Variants in DCLK3 observed in about 807,000 individuals in gnomAD.
The protein encoded by DCLK3 is doublecortin like kinase 3.
A neutral mutation model predicts 46.4 loss-of-function variants in DCLK3; 30 were observed. That is an observed-to-expected ratio of 0.65 (90% CI 0.48 to 0.88). DCLK3 has a LOEUF of 0.88. Ranked by LOEUF, DCLK3 falls within the 40% of genes least tolerant of loss-of-function variation. The pLI, the probability that DCLK3 is intolerant of heterozygous loss-of-function variation, is 0.00. For synonymous variants in DCLK3, 401 were observed against 339.2 expected, an observed-to-expected ratio of 1.18 and a Z score of -2.00; for missense variants, 846 against 907.1, an observed-to-expected ratio of 0.93 and a Z score of 0.87.
chr3:36,719,411 C>G (rs564357570), intron 3 of DCLK3, among the ~76,000 whole-genome samples: 1 of 152,284 alleles, frequency 6.6e-6, no homozygotes, highest in South Asian at 2.1e-4. Context: ...AAGAATAAGT[C>G]ACTAATGACC....
intron 1 of DCLK3, among the ~76,000 whole-genome samples, chr3:36,755,559 A>C (rs1416277507): frequency 6.6e-6 from 1 of 152,194 alleles, no homozygotes; most frequent in East Asian, 1.9e-4. Flanking sequence ...CAGATGAATT[A>C]AAAACCATAG....
intron 2 of DCLK3, among the ~76,000 whole-genome samples, chr3:36,734,174 G>A (rs774920670): frequency 1.3e-5 from 2 of 152,224 alleles, no homozygotes; most frequent in African/African-American, 2.4e-5. Context: ...AATTTGCAAT[G>A]TAATTATATC....
intron 1 of DCLK3, among the ~76,000 whole-genome samples, chr3:36,756,475 T>C (rs956758612): frequency 2.0e-5 from 3 of 152,158 alleles, no homozygotes; most frequent in Admixed American, 6.5e-5. Context: ...CAGGGACTGA[T>C]AGCATCTGCT....
intron 1 of DCLK3, among the ~76,000 whole-genome samples, chr3:36,758,794 T>A (rs1325098722): frequency 6.6e-6 from 1 of 152,218 alleles, no homozygotes; most frequent in Non-Finnish European, 1.5e-5. Flanking sequence ...TCAGGTTTAG[T>A]GTATAGAAAG....
At chr3:36,724,143 T>C (rs1274165913) in intron 2 of DCLK3, among the ~76,000 whole-genome samples, 1 of 152,230 alleles carries the variant, frequency 6.6e-6, no homozygotes, top group African/African-American at 2.4e-5. Flanking sequence ...AAGATTTGAC[T>C]GCCCCGCTAG....
chr3:36,744,101 A>C (rs1701373983), intron 1 of DCLK3, among the ~76,000 whole-genome samples: 1 of 152,142 alleles, frequency 6.6e-6, no homozygotes, highest in African/African-American at 2.4e-5. Flanking sequence ...CTCCCTCTCA[A>C]CTAAACTGTA....
intron 1 of DCLK3, among the ~76,000 whole-genome samples, chr3:36,760,736 C>T (rs1701532324): frequency 6.6e-6 from 1 of 152,138 alleles, no homozygotes; most frequent in Non-Finnish European, 1.5e-5. Context: ...TAATAAGATC[C>T]CCAGATGATT....
intron 3 of DCLK3, among the ~76,000 whole-genome samples, chr3:36,720,094 G>T (rs1409676711): frequency 1.3e-5 from 2 of 152,220 alleles, no homozygotes; most frequent in Admixed American, 6.5e-5. Context: ...GATCATGGGG[G>T]TGGATCCTTC....
rs1417175134 is a variant in DCLK3 at position 36,737,307 on chromosome 3, C to T, written c.1860G>A (p.Glu620=). The part of the protein sequence containing the change: ...DAIIESVKFP[E]PDAALMIMDL... ...CCATGATCATGAGGGCAGCATCGGG[C>T]TCCGGGAACTTCACACTTTCTATGA... Residue 620 remains glutamate (E), a synonymous_variant, in exon 2 of 5, where the codon GAG becomes GAA. Coordinates refer to ENST00000636136, the MANE Select transcript of DCLK3 (RefSeq NM_001394672.2). This position sits in a 1 kb window ranked among gnomAD's most constrained non-coding sequence, Gnocchi z 4.4. The T allele has an allele frequency of 1.2e-6, 2 of 1,614,172 alleles. No individual in the cohort carries two copies. Among genetic ancestry groups the T allele is most frequent in the South Asian group, 1.1e-5 (1 of 91,078 alleles).
At chr3:36,763,242 A>G (rs1276851735) in intron 1 of DCLK3, among the ~76,000 whole-genome samples, 2 of 152,242 alleles carry the variant, frequency 1.3e-5, no homozygotes, top group Non-Finnish European at 2.9e-5. Flanking sequence ...AATGGAATCA[A>G]CTAGGAGGGG....
chr3:36,729,069 A>G (rs1328337278), intron 2 of DCLK3, among the ~76,000 whole-genome samples: 1 of 152,206 alleles, frequency 6.6e-6, no homozygotes, highest in Non-Finnish European at 1.5e-5. Context: ...TTAACCAAGA[A>G]TGCCCAGCAC....
chr3:36,716,117 C>T (rs1409292388), intron 4 of DCLK3, among the ~76,000 whole-genome samples: 1 of 151,950 alleles, frequency 6.6e-6, no homozygotes, highest in Non-Finnish European at 1.5e-5. Context: ...TATTTTCTGC[C>T]CAAGACCATG....
At position 36,715,369 on chromosome 3, in the gene DCLK3, A is replaced by C. The variant is rs1218999965; in HGVS notation, c.2413T>G (p.Phe805Val). 1 of 1,614,046 alleles carries C rather than the reference A, an allele frequency of 6.2e-7. No homozygotes were observed. Among genetic ancestry groups the C allele is most frequent in the African/African-American group, 1.3e-5 (1 of 74,924 alleles). ...KQVSPSSEGH[F>V]RSQHKRVVEQ... ...ACAACCCTCTTGTGCTGGCTCCGGAAGTGACCCTCGCTGCTGGGGGACACC... is the reference window on the plus strand; with the variant it reads ...ACAACCCTCTTGTGCTGGCTCCGGACGTGACCCTCGCTGCTGGGGGACACC... Residue 805 changes from phenylalanine (F) to valine (V), a missense_variant, in exon 5 of 5, where the codon TTC (phenylalanine) becomes GTC (valine). By Grantham distance (50) the Phe-to-Val change is conservative. Around this residue, in one of 3 missense-constraint regions of DCLK3, gnomAD observed 46 missense variants for 41.3 expected, o/e 1.11. Transcript: ENST00000636136.
rs116799762 is a variant in DCLK3 at position 36,764,058 on chromosome 3, G to A, written c.82+124C>T. ...CACACACAGTCCTCCGTACACCCAC[G>A]CGGGGTCTGGCACTGCTGCTACATC... On this transcript the variant is annotated intron_variant, in intron 1 of 4. Coordinates refer to ENST00000636136, the MANE Select transcript of DCLK3 (RefSeq NM_001394672.2). The surrounding 1 kb of genome is among the most constrained non-coding windows in gnomAD (Gnocchi z 4.9). The A allele has an allele frequency of 7.4e-4, 157 of 210,836 alleles. 1 individual carries two copies. Among genetic ancestry groups the A allele is most frequent in the African/African-American group, 3.6e-3 (153 of 42,778 alleles). The allele number at this position is 210,836 out of a possible 1,614,324, so 13.1% of individuals were successfully genotyped here.
At position 36,737,906 on chromosome 3, in the gene DCLK3, C is replaced by G. The variant is rs754892938; in HGVS notation, c.1261G>C (p.Val421Leu). The G allele has an allele frequency of 2.0e-5, 33 of 1,613,982 alleles. No individual in the cohort carries two copies. In the Admixed American group the frequency reaches 5.2e-4, roughly 25 times the overall value. Reference protein sequence around the residue: ...AKKDLVEVLPVTEEGLREVKK... With the variant: ...AKKDLVEVLPLTEEGLREVKK... ...ACCTCCCTCAGCCCCTCCTCTGTGA[C>G]AGGAAGAACTTCCACAAGGTCCTTC... The change falls in exon 2 of 5, where the codon GTC (valine) becomes CTC (leucine). Residue 421 changes from valine to leucine, a missense_variant. This residue lies in a region of DCLK3 where 553 missense variants were observed against 543.0 expected (regional missense o/e 1.02). Coordinates refer to ENST00000636136, the MANE Select transcript of DCLK3 (RefSeq NM_001394672.2). The surrounding 1 kb of genome is among the most constrained non-coding windows in gnomAD (Gnocchi z 4.4).
intron 1 of DCLK3, among the ~76,000 whole-genome samples, chr3:36,749,134 C>T (rs971285702): frequency 2.0e-5 from 3 of 152,222 alleles, no homozygotes; most frequent in Admixed American, 6.5e-5. Context: ...CTGTTTCCTA[C>T]GGCCTGAATA....
At chr3:36,762,963 G>A (rs1199741961) in intron 1 of DCLK3, among the ~76,000 whole-genome samples, 1 of 151,594 alleles carries the variant, frequency 6.6e-6, no homozygotes, top group Non-Finnish European at 1.5e-5. Flanking sequence ...TCTTCCTGAG[G>A]GTCTTGCTTC....
intron 2 of DCLK3, among the ~76,000 whole-genome samples, chr3:36,733,214 C>T (rs1701220770): frequency 6.6e-6 from 1 of 152,232 alleles, no homozygotes; most frequent in African/African-American, 2.4e-5. Context: ...GCTCCCAGCA[C>T]TCCAGGGCTG....
At chr3:36,748,289 TC>T (rs371344194) in intron 1 of DCLK3, among the ~76,000 whole-genome samples, 266 of 152,252 alleles carry the variant, frequency 1.7e-3, no homozygotes, top group African/African-American at 6.2e-3. Flanking sequence ...GTATGGCCTC[TC>T]CCCCTGTGCT....
Sources: allele counts gnomAD v4.1 joint callset (sites outside exome capture counted in the v4.1 genomes callset), GRCh38; gene constraint gnomAD v4.1.1; regional missense constraint gnomAD v4.1.1; non-coding constraint Gnocchi (gnomAD v3.1); transcripts MANE v1.5; gene names NCBI Gene and HGNC (gene_info 2026-07-23, HGNC 2026-07-21).